PDZD2: variants seen among roughly 807,000 people sequenced by gnomAD.
PDZD2 encodes the protein PDZ domain containing 2.
PDZD2 carries 90 observed loss-of-function variants against 220.7 expected under a neutral mutation model. The ratio of observed to expected loss-of-function variants is 0.41; its 90% confidence interval spans 0.34 to 0.49. The LOEUF is 0.49. Ranked by LOEUF, PDZD2 falls within the 20% of genes least tolerant of loss-of-function variation. The pLI is 0.28. For synonymous variants in PDZD2, 1,375 were observed against 1,450.5 expected, an observed-to-expected ratio of 0.95 and a Z score of 1.18; for missense variants, 3,174 against 3,608.5, an observed-to-expected ratio of 0.88 and a Z score of 3.08.
rs1022191421 is a variant in PDZD2 at position 31,946,439 on chromosome 5, G to A, written c.477-36716G>A. The stretch of plus-strand genomic sequence containing the variant: ...GGAAATACAGATTGTTGGGCCCTCC[G>A]GCGGGTCTGGGTGGGGTCTAGAGTC... On this transcript the variant is annotated intron_variant, in intron 2 of 24. Coordinates refer to ENST00000438447, the MANE Select transcript of PDZD2 (RefSeq NM_178140.4). Among the ~76,000 whole-genome samples the A allele has an allele frequency of 9.2e-5, 14 of 152,284 alleles. No homozygotes were observed. In the South Asian group the frequency reaches 1.7e-3, roughly 18 times the overall value.
intron 2 of PDZD2, among the ~76,000 whole-genome samples, chr5:31,858,762 A>C (rs1205842932): frequency 7.2e-6 from 1 of 139,200 alleles, no homozygotes; most frequent in Non-Finnish European, 1.5e-5. Flanking sequence ...TCTGTTGCCC[A>C]GGCTGGAGTG....
chr5:31,655,123 C>A (rs562589452), intron 1 of PDZD2, among the ~76,000 whole-genome samples: 3 of 152,138 alleles, frequency 2.0e-5, no homozygotes, highest in South Asian at 4.2e-4. Flanking sequence ...GGCTTCATAT[C>A]CCTCTTCTCA....
chr5:31,983,235 C>T lies in PDZD2; in HGVS notation c.557C>T (p.Thr186Ile), dbSNP rs765778088. ...LRRFKHKAHS[T>I]YNGNSSNSSE... is the part of the protein sequence containing the mutation. ...CGCTTTAAGCACAAAGCCCACTCCA[C>T]TTATAATGGCAACAGTAGCAACAGC... The change falls in exon 3 of 25, where the codon ACT becomes ATT. Residue 186 changes from threonine (T) to isoleucine (I), a missense_variant. By Grantham distance (89) the Thr-to-Ile change is moderately conservative. Transcript: ENST00000438447. 26 of 1,614,066 alleles carry T rather than the reference C, an allele frequency of 1.6e-5. No individual in the cohort carries two copies. Among genetic ancestry groups the T allele is most frequent in the Non-Finnish European group, 2.1e-5 (25 of 1,180,028 alleles).
intron 1 of PDZD2, among the ~76,000 whole-genome samples, chr5:31,729,630 CT>C (rs1288328795): frequency 1.3e-5 from 2 of 152,122 alleles, no homozygotes; most frequent in African/African-American, 4.8e-5. Flanking sequence ...CTGTCCTTAG[CT>C]TTTTTTGTCC....
chr5:31,847,431 G>T, intron 2 of PDZD2: 1 of 532,192 alleles, frequency 1.9e-6, no homozygotes, highest in Non-Finnish European at 3.5e-6. Context: ...ATGAGAGTTC[G>T]CGTAACAGAG....
Position 32,089,457 on chromosome 5 carries a change from G to A in PDZD2, c.6009G>A (p.Met2003Ile). Residue 2003 changes from methionine to isoleucine, a missense_variant, in exon 20 of 25, where the codon ATG becomes ATA. Met to Ile is a conservative substitution (Grantham distance 10). Transcript: ENST00000438447. The part of the protein sequence containing the change: ...PEQGMWSRFH[M>I]AVLSEPDRGC... ...AAGGCATGTGGAGCAGGTTCCACAT[G>A]GCTGTCCTCTCTGAACCCGACAGAG... The A allele has an allele frequency of 6.2e-7, 1 of 1,613,908 alleles. No individual in the cohort carries two copies. The highest frequency in any genetic ancestry group is 1.3e-5 in the African/African-American group (1 of 75,052).
chr5:32,062,690 G>A (rs1008737021), intron 14 of PDZD2, among the ~76,000 whole-genome samples: 5 of 152,098 alleles, frequency 3.3e-5, no homozygotes, highest in African/African-American at 9.7e-5. Flanking sequence ...CACCGTGCCC[G>A]GCCAAGACTA....
At position 32,021,853 on chromosome 5, in the gene PDZD2, G is replaced by C. The variant is rs185343411; in HGVS notation, c.1407+11371G>C. Among the ~76,000 whole-genome samples the C allele has an allele frequency of 2.0e-4, 31 of 152,246 alleles. No individual in the cohort carries two copies. The East Asian group carries it at 5.8e-3, about 28-fold the overall frequency. ...TTTTAAGCTATGAGTAGCAAAAAAGGTGGCCTTTGTGTCACCCACTTACCC... is the reference window on the plus strand; with the variant it reads ...TTTTAAGCTATGAGTAGCAAAAAAGCTGGCCTTTGTGTCACCCACTTACCC... On this transcript the variant is annotated intron_variant, in intron 6 of 24. Coordinates refer to ENST00000438447, the MANE Select transcript of PDZD2 (RefSeq NM_178140.4).
chr5:32,019,176 C>T (rs1051482323), intron 6 of PDZD2, among the ~76,000 whole-genome samples: 1 of 132,238 alleles, frequency 7.6e-6, no homozygotes, highest in Non-Finnish European at 1.6e-5. Flanking sequence ...GGGTCTCACT[C>T]TGTTGCCCAG....
At chr5:31,822,077 C>T (rs1315328502) in intron 2 of PDZD2, among the ~76,000 whole-genome samples, 1 of 152,148 alleles carries the variant, frequency 6.6e-6, no homozygotes, top group Non-Finnish European at 1.5e-5. Context: ...GCCACATTTT[C>T]TTTATCCAGT....
chr5:31,966,762 T>G (rs1289760516), intron 2 of PDZD2, among the ~76,000 whole-genome samples: 2 of 152,170 alleles, frequency 1.3e-5, no homozygotes, highest in Non-Finnish European at 2.9e-5. Context: ...CCGACTAACT[T>G]GGCTTCTAAG....
chr5:31,670,542 G>A (rs575152423), intron 1 of PDZD2, among the ~76,000 whole-genome samples: 1 of 151,916 alleles, frequency 6.6e-6, no homozygotes, highest in Admixed American at 6.6e-5. Flanking sequence ...TCAGCCTCCC[G>A]AGTAGCTGGG....
At chr5:31,811,218 T>G (rs1755091153) in intron 2 of PDZD2, among the ~76,000 whole-genome samples, 1 of 152,118 alleles carries the variant, frequency 6.6e-6, no homozygotes, top group Non-Finnish European at 1.5e-5. Context: ...ACTCTTGACC[T>G]CAAGTGATCC....
chr5:31,819,281 T>C (rs552421810), intron 2 of PDZD2, among the ~76,000 whole-genome samples: 1 of 152,320 alleles, frequency 6.6e-6, no homozygotes, highest in African/African-American at 2.4e-5. Context: ...CTGTATAGTA[T>C]CCCACTGGAG....
intron 1 of PDZD2, among the ~76,000 whole-genome samples, chr5:31,759,141 A>T (rs1580700253): frequency 7.7e-6 from 1 of 130,102 alleles, no homozygotes; most frequent in African/African-American, 2.8e-5. Context: ...TGCCGTGCCC[A>T]CCCCCTCCTC....
chr5:32,035,749 A>C (rs12188679), intron 6 of PDZD2, among the ~76,000 whole-genome samples: 79,287 of 151,994 alleles, frequency 0.52, 21,903 homozygotes, highest in South Asian at 0.63. Context: ...AATGCAAATC[A>C]AGAAGCTTTT....
Position 32,049,437 on chromosome 5 carries a change from C to A in PDZD2, c.1665+753C>A, listed in dbSNP as rs765866275. Among the ~76,000 whole-genome samples, 7 of 152,154 alleles carry A rather than the reference C, an allele frequency of 4.6e-5. No homozygotes were observed. In the East Asian group the frequency reaches 1.4e-3, roughly 29 times the overall value. ...TGATGAAGCAGAGATAGAGGACGGG[C>A]GTGGCAGCAACGACCTCCACACATG... On this transcript the variant is annotated intron_variant, in intron 8 of 24. Transcript: ENST00000438447.
intron 1 of PDZD2, among the ~76,000 whole-genome samples, chr5:31,684,339 TG>T (rs1353917795): frequency 6.6e-6 from 1 of 152,140 alleles, no homozygotes; most frequent in African/African-American, 2.4e-5. Context: ...ACCAAAGCAA[TG>T]GGAGTCATCC....
rs1405761568 is a variant in PDZD2 at position 31,995,590 on chromosome 5, A to C, written c.993A>C (p.Arg331=). ...SDCLAREEVG[R]IWKMELLKES... is the part of the protein sequence containing the mutation. Reference sequence around the variant, plus strand: ...TTTCTTCCAAGGAGGAAGTTGGCCGAATATGGAAGATGGAGCTGCTCAAAG... The same window carrying C: ...TTTCTTCCAAGGAGGAAGTTGGCCGCATATGGAAGATGGAGCTGCTCAAAG... Residue 331 remains arginine (R), a synonymous_variant, in exon 4 of 25, where the codon CGA becomes CGC. Coordinates refer to ENST00000438447, the MANE Select transcript of PDZD2 (RefSeq NM_178140.4). 3 of 1,614,166 alleles carry C rather than the reference A, an allele frequency of 1.9e-6. No homozygotes were observed. Among genetic ancestry groups the C allele is most frequent in the Middle Eastern group, 1.6e-4 (1 of 6,062 alleles).
Sources: gnomAD v4.1 joint callset for allele counts (sites outside exome capture counted in the v4.1 genomes callset) on GRCh38, gnomAD v4.1.1 for gene constraint, MANE v1.5 for transcripts, NCBI Gene and HGNC (gene_info 2026-07-23, HGNC 2026-07-21) for gene names.